Variants in PRKD1 observed in about 807,000 individuals in gnomAD.
PRKD1 encodes the protein serine/threonine-protein kinase D1.
In PRKD1, 63 loss-of-function variants were observed where a neutral mutation model predicts 95.9. The observed-to-expected ratio is 0.66, with a 90% CI of 0.54 to 0.81. The LOEUF (loss-of-function observed/expected upper bound fraction) is 0.81. PRKD1 is among the 30% of genes least tolerant of loss of function. PRKD1 has a pLI of 0.00. For missense variants in PRKD1, 1,048 were observed against 1,165.3 expected (o/e 0.90, Z 1.47); for synonymous variants, 425 against 423.1 (o/e 1.00, Z -0.05).
At chr14:29,789,832 G>C (rs903808856) in intron 1 of PRKD1, among the ~76,000 whole-genome samples, 11 of 151,992 alleles carry the variant, frequency 7.2e-5, no homozygotes, top group African/African-American at 2.7e-4. Context: ...AATGACACAT[G>C]AGTGTCAGCC....
At chr14:29,820,821 G>A (rs905043796) in intron 1 of PRKD1, among the ~76,000 whole-genome samples, 1 of 152,186 alleles carries the variant, frequency 6.6e-6, no homozygotes, top group African/African-American at 2.4e-5. Context: ...ACATGTAATT[G>A]CCATAGTCTT....
intron 1 of PRKD1, among the ~76,000 whole-genome samples, chr14:29,875,671 C>G (rs1893261804): frequency 6.6e-6 from 1 of 152,188 alleles, no homozygotes; most frequent in African/African-American, 2.4e-5. Flanking sequence ...TATTTATGCA[C>G]TGCTGATGTC....
chr14:29,685,151 C>T (rs1297876588), intron 2 of PRKD1, among the ~76,000 whole-genome samples: 3 of 152,152 alleles, frequency 2.0e-5, no homozygotes, highest in Non-Finnish European at 4.4e-5. Flanking sequence ...ATTCAAAGTG[C>T]AAAGAGTGGT....
At chr14:29,882,823 T>C (rs554798931) in intron 1 of PRKD1, among the ~76,000 whole-genome samples, 14 of 152,188 alleles carry the variant, frequency 9.2e-5, no homozygotes, top group African/African-American at 3.4e-4. Context: ...TCATGTATCA[T>C]GTATTACTTC....
chr14:29,880,101 G>A (rs1893447012), intron 1 of PRKD1, among the ~76,000 whole-genome samples: 1 of 152,150 alleles, frequency 6.6e-6, no homozygotes, highest in African/African-American at 2.4e-5. Context: ...AAGTAGCAAG[G>A]AGCCTAATGT....
At chr14:29,594,986 A>C (rs1893249971) in intron 16 of PRKD1, among the ~76,000 whole-genome samples, 1 of 137,160 alleles carries the variant, frequency 7.3e-6, no homozygotes, top group African/African-American at 3.0e-5. Flanking sequence ...ATCAGCAGCT[A>C]GGTAACTTTT....
chr14:29,678,060 T>A (rs1469628220), intron 2 of PRKD1, among the ~76,000 whole-genome samples: 1 of 152,242 alleles, frequency 6.6e-6, no homozygotes, highest in African/African-American at 2.4e-5. Context: ...AAAAACTGAT[T>A]CACTGATAAT....
intron 1 of PRKD1, among the ~76,000 whole-genome samples, chr14:29,909,890 G>A (rs1012341647): frequency 2.6e-5 from 4 of 152,078 alleles, no homozygotes; most frequent in African/African-American, 9.7e-5. Flanking sequence ...AGTGGGGACT[G>A]GGAGAACTTT....
At chr14:29,762,761 G>A (rs7161238) in intron 1 of PRKD1, among the ~76,000 whole-genome samples, 29,764 of 120,986 alleles carry the variant, frequency 0.25, 3,038 homozygotes, top group South Asian at 0.3. Flanking sequence ...TCTATACTAA[G>A]GTATTTTATT....
At chr14:29,656,853 C>T (rs1881877191) in intron 4 of PRKD1, among the ~76,000 whole-genome samples, 1 of 151,998 alleles carries the variant, frequency 6.6e-6, no homozygotes, top group Non-Finnish European at 1.5e-5. Context: ...CAAAATGAAG[C>T]GTTTTTGACC....
In PRKD1 at chr14:29,630,797, G is replaced by A. The variant is rs1213383041; in HGVS notation, c.1617C>T (p.Ala539=). ...AGCCCTTGGGAATGACGGGCATAAG[G>A]GCATGCTGGATGGCTATCTCCCACA... ...ARMWEIAIQH[A]LMPVIPKGSS... is the part of the protein sequence containing the mutation. The change falls in exon 10 of 18, where the codon GCC becomes GCT. Residue 539 remains alanine (A), a synonymous_variant. Coordinates refer to ENST00000331968, the MANE Select transcript of PRKD1 (RefSeq NM_002742.3). The A allele has an allele frequency of 6.2e-7, 1 of 1,614,040 alleles. No individual in the cohort carries two copies. Among genetic ancestry groups the A allele is most frequent in the East Asian group, 2.2e-5 (1 of 44,864 alleles).
intron 1 of PRKD1, among the ~76,000 whole-genome samples, chr14:29,887,120 T>C (rs956102618): frequency 2.0e-5 from 3 of 152,224 alleles, no homozygotes; most frequent in African/African-American, 7.2e-5. Context: ...TGTTTGTTCT[T>C]GCAAATGTTA....
At chr14:29,633,718 A>T (rs1164283533) in intron 8 of PRKD1, among the ~76,000 whole-genome samples, 1 of 152,236 alleles carries the variant, frequency 6.6e-6, no homozygotes, top group Non-Finnish European at 1.5e-5. Flanking sequence ...TCTAAAAAGA[A>T]CTAGGCGGTA....
chr14:29,803,427 T>A (rs572912815), intron 1 of PRKD1, among the ~76,000 whole-genome samples: 82 of 152,302 alleles, frequency 5.4e-4, no homozygotes, highest in African/African-American at 1.9e-3. Context: ...AAGTTTTAAT[T>A]TTTTTGTCTA....
At chr14:29,599,495 T>C (rs377650121) in intron 14 of PRKD1, among the ~76,000 whole-genome samples, 161 bp downstream of exon 14, 160 of 152,314 alleles carry the variant, frequency 1.1e-3, no homozygotes, top group South Asian at 3.5e-3. Context: ...CTGATTAATA[T>C]AGATATAAAT....
intron 2 of PRKD1, among the ~76,000 whole-genome samples, chr14:29,709,965 A>G (rs1566553429): frequency 6.6e-6 from 1 of 152,210 alleles, no homozygotes; most frequent in African/African-American, 2.4e-5. Context: ...CCAGTTGGTT[A>G]TACTGATATT....
chr14:29,809,700 G>C (rs1374260991), intron 1 of PRKD1, among the ~76,000 whole-genome samples: 1 of 152,172 alleles, frequency 6.6e-6, no homozygotes, highest in Non-Finnish European at 1.5e-5. Context: ...ATTAGGATTT[G>C]GCTTAAGGGT....
At chr14:29,772,333 G>A (rs79128461) in intron 1 of PRKD1, among the ~76,000 whole-genome samples, 1,880 of 152,164 alleles carry the variant, frequency 0.012, 23 homozygotes, top group Non-Finnish European at 0.02. Context: ...AAGAAGGCCT[G>A]TCATCCCTCC....
intron 1 of PRKD1, among the ~76,000 whole-genome samples, chr14:29,789,048 G>T (rs973776975): frequency 1.3e-5 from 2 of 151,918 alleles, no homozygotes; most frequent in African/African-American, 4.8e-5. Context: ...TACTATGCCT[G>T]ACTAATTTTT....
Sources: gnomAD v4.1 joint callset for allele counts (sites outside exome capture counted in the v4.1 genomes callset) on GRCh38, gnomAD v4.1.1 for gene constraint, MANE v1.5 for transcripts, NCBI Gene and HGNC (gene_info 2026-07-23, HGNC 2026-07-21) for gene names.